The following TACC3 variants were observed in gnomAD, a reference collection of about 807,000 sequenced individuals.
The protein encoded by TACC3 is transforming acidic coiled-coil containing protein 3, also known as transforming acidic coiled-coil-containing protein 3.
TACC3 carries 52 observed loss-of-function variants against 86.0 expected under a neutral mutation model. The ratio of observed to expected loss-of-function variants is 0.60; its 90% CI spans 0.48 to 0.76. The LOEUF (loss-of-function observed/expected upper bound fraction) is 0.76. Ranked by LOEUF, TACC3 falls within the 30% of genes least tolerant of loss-of-function variation. The probability of loss-of-function intolerance (pLI) is 0.00; values close to 1 mark genes in which losing one functional copy is unlikely to be tolerated. For missense variants in TACC3, 1,120 were observed against 1,070.4 expected (o/e 1.05, Z -0.65); for synonymous variants, 512 against 430.0 (o/e 1.19, Z -2.36).
intron 11 of TACC3, 86 bp downstream of exon 11, chr4:1,739,864 C>A: frequency 2.0e-6 from 3 of 1,536,940 alleles, no homozygotes; most frequent in South Asian, 2.3e-5. Context: ...TTGTCCCCAT[C>A]CCCCTCGCCA....
rs760376363 is a variant in TACC3 at position 1,731,304 on chromosome 4, A to G, written c.1591+3A>G. The G allele has an allele frequency of 1.2e-6, 2 of 1,612,800 alleles. No homozygotes were observed. Among genetic ancestry groups the G allele is most frequent in the Non-Finnish European group, 1.7e-6 (2 of 1,179,934 alleles). On this transcript the variant is annotated splice_donor_region_variant and intron_variant, in intron 6 of 15. Coordinates refer to ENST00000313288, the MANE Select transcript of TACC3 (RefSeq NM_006342.3). The stretch of plus-strand genomic sequence containing the variant: ...GAGCTTCAGAGACCCCGCTGAGGGT[A>G]CGTTGCCTGGCACAGACGTCACACA...
chr4:1,737,824 G>A, intron 10 of TACC3, 122 bp downstream of exon 10: 1 of 975,558 alleles, frequency 1.0e-6, no homozygotes, highest in East Asian at 2.6e-5. Context: ...CTGCTGGTTG[G>A]GGTGGAATTG....
At chr4:1,731,323 TCA>T in intron 6 of TACC3, 22 bp downstream of exon 6, 1 of 1,611,550 alleles carries the variant, frequency 6.2e-7, no homozygotes, top group Non-Finnish European at 8.5e-7. Context: ...GGCACAGACG[TCA>T]CACACAGTCT....
chr4:1,744,626 T>C lies in TACC3; in HGVS notation c.2330+2T>C. 1 of 1,612,890 alleles carries C rather than the reference T, an allele frequency of 6.2e-7. No individual in the cohort carries two copies. Among genetic ancestry groups the C allele is most frequent in the Non-Finnish European group, 8.5e-7 (1 of 1,179,900 alleles). ...CCACGCGGAGGAGAAGCTGCAGCTG[T>C]GAGTGCTGGGCGAGGCCCCACCCTG... On this transcript the variant is annotated splice_donor_variant, in intron 14 of 15. Transcript: ENST00000313288. LOFTEE classifies it high-confidence loss of function.
intron 1 of TACC3, 27 bp from the exon 2 acceptor site, chr4:1,723,394 T>G: frequency 6.2e-7 from 1 of 1,606,218 alleles, no homozygotes; most frequent in Non-Finnish European, 8.5e-7. Context: ...GCCCTCACAC[T>G]GACACAAACA....
At position 1,727,840 on chromosome 4, in the gene TACC3, A is replaced by C. The variant is rs768644340; in HGVS notation, c.438A>C (p.Pro146=). The change falls in exon 4 of 16, where the codon CCA becomes CCC. Residue 146 remains proline, a synonymous_variant. Transcript: ENST00000313288. ...FGSGSSSESG[P]GALADLDCSS... ...GTGGCAGCTCCAGCGAGTCTGGCCC[A>C]GGTGCCCTGGCTGACCTGGACTGCT... The C allele has an allele frequency of 1.9e-6, 3 of 1,613,244 alleles. No homozygotes were observed. The highest frequency in any genetic ancestry group is 4.5e-5 in the East Asian group (2 of 44,890).
At chr4:1,743,293 G>C (rs540982089) in intron 13 of TACC3, among the ~76,000 whole-genome samples, 5 of 149,674 alleles carry the variant, frequency 3.3e-5, no homozygotes, top group Admixed American at 2.7e-4. Context: ...AGTGGCTCAC[G>C]CCTGTAATCC....
In TACC3 at chr4:1,728,683, T is replaced by C. The variant is rs764713500; in HGVS notation, c.1281T>C (p.Ser427=). Residue 427 remains serine (S), a synonymous_variant, in exon 4 of 16, where the codon AGT becomes AGC. Coordinates refer to ENST00000313288, the MANE Select transcript of TACC3 (RefSeq NM_006342.3). The stretch of plus-strand genomic sequence containing the variant: ...GAGGTGACACCAAGTCTGGTTGCAG[T>C]GAGGCCCAGCCCCCAGAAAGCCCTG... The part of the protein sequence containing the change: ...PFGGDTKSGC[S]EAQPPESPET... The C allele has an allele frequency of 7.4e-6, 12 of 1,613,548 alleles. No homozygotes were observed. Among genetic ancestry groups the C allele is most frequent in the Middle Eastern group, 1.6e-4 (1 of 6,084 alleles).
chr4:1,737,181 C>T (rs1037327031), intron 8 of TACC3, 60 bp from the exon 9 acceptor site: 3 of 1,388,610 alleles, frequency 2.2e-6, no homozygotes, highest in Admixed American at 1.7e-5. Context: ...ACATGGTCCT[C>T]TGTGTCCTAC....
At chr4:1,720,804 A>G (rs896648996), upstream of TACC3, 2 of 1,595,054 alleles carry the variant, frequency 1.3e-6, no homozygotes, top group East Asian at 4.6e-5. The surrounding 1 kb of genome is among the most constrained non-coding windows in gnomAD (Gnocchi z 4.4). Context: ...AACACCAGAT[A>G]GGCGAGAGTG....
chr4:1,730,413 C>T (rs1213998054), intron 4 of TACC3: 6 of 251,136 alleles, frequency 2.4e-5, no homozygotes, highest in East Asian at 1.0e-4. Flanking sequence ...TAATGATTAA[C>T]GATATTCATA....
chr4:1,737,863 C>T, intron 10 of TACC3, 161 bp downstream of exon 10: 1 of 777,148 alleles, frequency 1.3e-6, no homozygotes, highest in African/African-American at 1.7e-5. Flanking sequence ...TGGCCTGTCA[C>T]TACTGCCCAG....
chr4:1,724,014 G>A (rs1455727630), intron 3 of TACC3, 144 bp downstream of exon 3: 7 of 908,794 alleles, frequency 7.7e-6, no homozygotes, highest in East Asian at 7.6e-5. Flanking sequence ...TGTTGCCCAC[G>A]CTGGAGTGCA....
At position 1,737,601 on chromosome 4, in the gene TACC3, C is replaced by A; in HGVS notation, c.1840C>A (p.Pro614Thr). Residue 614 changes from proline to threonine, a missense_variant, in exon 10 of 16, where the codon CCA becomes ACA. By Grantham distance (38) the Pro-to-Thr change is conservative. Coordinates refer to ENST00000313288, the MANE Select transcript of TACC3 (RefSeq NM_006342.3). Reference protein sequence around the residue: ...DFLGALDIPVPGPPPGVPAPG... With the variant: ...DFLGALDIPVTGPPPGVPAPG... The stretch of plus-strand genomic sequence containing the variant: ...GTTTCATCCCCATCTCCCGCAGGTG[C>A]CAGGCCCACCCCCAGGTGTTCCCGC... The A allele has an allele frequency of 1.3e-6, 2 of 1,508,456 alleles. No individual in the cohort carries two copies. The highest frequency in any genetic ancestry group is 2.2e-5 in the Admixed American group (1 of 46,124). 93.4% of individuals were successfully genotyped at this position (1,508,456 alleles called of 1,614,324 possible). A position where few individuals can be genotyped will look rare whatever the true frequency, so the allele number is the denominator to read the frequency against.
At chr4:1,744,321 C>G in intron 13 of TACC3, 197 bp from the exon 14 acceptor site, 2 of 584,532 alleles carry the variant, frequency 3.4e-6, no homozygotes. Context: ...GGTGGAGAGC[C>G]AGGGCTGTCC....
At chr4:1,734,244 G>C (rs575459049) in intron 6 of TACC3, among the ~76,000 whole-genome samples, 87 of 152,074 alleles carry the variant, frequency 5.7e-4, no homozygotes, top group Non-Finnish European at 9.4e-4. Flanking sequence ...CTGGAGTGCA[G>C]TAGCATGATC....
chr4:1,729,432 G>A (rs892492190), intron 4 of TACC3, among the ~76,000 whole-genome samples: 8 of 152,110 alleles, frequency 5.3e-5, no homozygotes, highest in South Asian at 2.1e-4. Context: ...GTCTGGCTGC[G>A]CTGTTACTTA....
At position 1,728,512 on chromosome 4, in the gene TACC3, A is replaced by C; in HGVS notation, c.1110A>C (p.Ala370=). ...GCCTCAAGCCTCCCTTGAGGAAAGC[A>C]GCAGTGAGGCAGCAAAAGGCCCCGC... ...RSGLKPPLRK[A]AVRQQKAPQE... The change falls in exon 4 of 16, where the codon GCA becomes GCC. Residue 370 remains alanine (A), a synonymous_variant. Coordinates refer to ENST00000313288, the MANE Select transcript of TACC3 (RefSeq NM_006342.3). The C allele has an allele frequency of 6.2e-7, 1 of 1,614,042 alleles. No individual in the cohort carries two copies. Among genetic ancestry groups the C allele is most frequent in the Non-Finnish European group, 8.5e-7 (1 of 1,180,008 alleles).
intron 3 of TACC3, 42 bp downstream of exon 3, chr4:1,723,912 T>G: frequency 6.2e-7 from 1 of 1,605,204 alleles, no homozygotes; most frequent in Non-Finnish European, 8.5e-7. Context: ...CTTCACCCTC[T>G]CTGTCCGATG....
Sources: gnomAD v4.1 joint callset for allele counts (sites outside exome capture counted in the v4.1 genomes callset) on GRCh38, gnomAD v4.1.1 for gene constraint, Gnocchi (gnomAD v3.1) non-coding constraint, MANE v1.5 for transcripts, NCBI Gene and HGNC (gene_info 2026-07-23, HGNC 2026-07-21) for gene names.